Variants in CPSF1 observed in about 807,000 individuals in gnomAD.
CPSF1 encodes the protein cleavage and polyadenylation specificity factor subunit 1.
Under a neutral mutation model 175.8 loss-of-function variants are expected in CPSF1, and 106 were observed. The observed-to-expected ratio is 0.60, with a 90% confidence interval of 0.52 to 0.71. The LOEUF (loss-of-function observed/expected upper bound fraction) is 0.71. Among genes scored for constraint, CPSF1 ranks in the 30% least tolerant of loss-of-function variants. The pLI, the probability that CPSF1 is intolerant of heterozygous loss-of-function variation, is 0.00. For missense variants in CPSF1, 1,734 were observed against 2,022.9 expected, an observed-to-expected ratio of 0.86 and a Z score of 2.74; for synonymous variants, 1,024 against 858.3, an observed-to-expected ratio of 1.19 and a Z score of -3.37.
At chr8:144,398,706 T>G in intron 17 of CPSF1, 68 bp from the exon 18 acceptor site, 2 of 1,600,378 alleles carry the variant, frequency 1.2e-6, no homozygotes, top group Non-Finnish European at 1.7e-6. Context: ...AGGTGCGACC[T>G]GGGCACCCCC....
At chr8:144,402,764 TA>T (rs1373554586) in intron 2 of CPSF1, among the ~76,000 whole-genome samples, 7 of 148,494 alleles carry the variant, frequency 4.7e-5, no homozygotes, top group African/African-American at 1.2e-4. Context: ...ATGACACACT[TA>T]AAAAAAAAAC....
chr8:144,396,163 C>G lies in CPSF1; in HGVS notation c.2979+185G>C, dbSNP rs1820712771. On this transcript the variant is annotated intron_variant, in intron 26 of 37. Transcript: ENST00000616140. ...GCTGCAGCCCCAGCTCCCAACCACC[C>G]CTTTCCAGACCTTTGGAGCAACCAA... 5 of 653,090 alleles carry G rather than the reference C, an allele frequency of 7.7e-6. No homozygotes were observed. In the South Asian group the frequency reaches 1.0e-4, roughly 13 times the overall value. 40.5% of individuals were successfully genotyped at this position (653,090 alleles called of 1,614,324 possible).
In CPSF1 at chr8:144,394,526, C is replaced by T; in HGVS notation, c.3597G>A (p.Glu1199=). 6.2e-7 allele frequency: 1 copy of T among 1,609,842 alleles called. No individual in the cohort carries two copies. The highest frequency in any genetic ancestry group is 8.5e-7 in the Non-Finnish European group (1 of 1,178,742). Residue 1199 remains glutamate (E), a synonymous_variant, in exon 32 of 38, where the codon GAG becomes GAA. Coordinates refer to ENST00000616140, the MANE Select transcript of CPSF1 (RefSeq NM_013291.3). ...TGTCGATGAAGGCCATGCCCGTCAG[C>T]TCGCTGGCCCGCAGGCTCCACAGGA... ...KIFLWSLRAS[E]LTGMAFIDTQ... is the part of the protein sequence containing the mutation.
In CPSF1 at chr8:144,395,540, C is replaced by A; in HGVS notation, c.2991G>T (p.Arg997Ser). The A allele has an allele frequency of 6.7e-7, 1 of 1,501,432 alleles. No homozygotes were observed. The highest frequency in any genetic ancestry group is 9.0e-7 in the Non-Finnish European group (1 of 1,105,930). The allele number at this position is 1,501,432 out of a possible 1,614,324, so 93.0% of individuals were successfully genotyped here. A position where few individuals can be genotyped will look rare whatever the true frequency, so the allele number is the denominator to read the frequency against. ...FLYFNRQGEL[R>S]ISVLPAYLSY... is the part of the protein sequence containing the mutation. ...ACAGGTAGGCAGGCAGGACACTGATCCTCAGCTCGCCCTGGGGTGGGGGCA... is the reference window on the plus strand; with the variant it reads ...ACAGGTAGGCAGGCAGGACACTGATACTCAGCTCGCCCTGGGGTGGGGGCA... Residue 997 changes from arginine to serine, a missense_variant, in exon 27 of 38, where the codon AGG becomes AGT. This residue lies in a region of CPSF1 where 585 missense variants were observed against 584.7 expected (regional missense o/e 1.00). Transcript: ENST00000616140.
rs1554865661 is a variant in CPSF1, at chr8:144,399,666, C to T, written c.1164G>A (p.Leu388=). 6.2e-6 allele frequency: 10 copies of T among 1,610,422 alleles called. No homozygotes were observed. In the South Asian group the frequency reaches 9.9e-5, roughly 16 times the overall value. ...EPGYLFLGSR[L]GNSLLLKYTE... ...TGTACTTGAGGAGGAGGGAATTGCC[C>T]AGGCGAGAACCCAGGAACAGGTACC... Residue 388 remains leucine, a synonymous_variant, in exon 12 of 38, where the codon CTG becomes CTA. Coordinates refer to ENST00000616140, the MANE Select transcript of CPSF1 (RefSeq NM_013291.3). This position sits in a 1 kb window ranked among gnomAD's most constrained non-coding sequence, Gnocchi z 6.4.
In CPSF1 at chr8:144,398,091, T is replaced by C. The variant is rs1554864775; in HGVS notation, c.1936A>G (p.Ile646Val). 1 of 1,610,292 alleles carries C rather than the reference T, an allele frequency of 6.2e-7. No homozygotes were observed. The highest frequency in any genetic ancestry group is 2.2e-5 in the East Asian group (1 of 44,796). ...HFIPVDLGAP[I>V]VQCAVADPYV... ...GGGTCGGCCACGGCGCACTGCACGATGGGGGCGCCCAGGTCCACGGGGATG... is the reference window on the plus strand; with the variant it reads ...GGGTCGGCCACGGCGCACTGCACGACGGGGGCGCCCAGGTCCACGGGGATG... The change falls in exon 20 of 38, where the codon ATC (isoleucine) becomes GTC (valine). Residue 646 changes from isoleucine (I) to valine (V), a missense_variant. By Grantham distance (29) the Ile-to-Val change is conservative. Transcript: ENST00000616140.
intron 36 of CPSF1, 27 bp from the exon 37 acceptor site, chr8:144,393,617 G>A (rs782607212): frequency 5.5e-5 from 87 of 1,594,384 alleles, no homozygotes; most frequent in Non-Finnish European, 7.1e-5. Flanking sequence ...CAGGTGTCAG[G>A]GCAGGCTGGG....
chr8:144,407,840 C>T (rs1821576083), intron 2 of CPSF1, among the ~76,000 whole-genome samples: 1 of 152,114 alleles, frequency 6.6e-6, no homozygotes, highest in Non-Finnish European at 1.5e-5. Flanking sequence ...GCCAGTGCAC[C>T]CAGCCTGAGA....
chr8:144,395,376 C>T (rs1364685064), intron 27 of CPSF1, 21 bp from the exon 28 acceptor site: 47 of 1,612,826 alleles, frequency 2.9e-5, no homozygotes, highest in Non-Finnish European at 3.9e-5. Context: ...GTGAGGGTCA[C>T]ACACCAGTGG....
intron 9 of CPSF1, 27 bp downstream of exon 9, chr8:144,400,139 C>CCCCCCCCCCCCCCCCCCCCCCCCCA: frequency 8.2e-7 from 1 of 1,221,762 alleles, no homozygotes; most frequent in Non-Finnish European, 1.1e-6. Context: ...CCCCGGGCCC[C>CCCCCCCCCCCCCCCCCCCCCCCCCA]CCCCGCCCCA....
intron 2 of CPSF1, among the ~76,000 whole-genome samples, chr8:144,401,995 C>G (rs2116888183): frequency 6.6e-6 from 1 of 152,338 alleles, no homozygotes; most frequent in African/African-American, 2.4e-5. Flanking sequence ...ACCCCCAAAC[C>G]TGCCTGGTTG....
intron 2 of CPSF1, among the ~76,000 whole-genome samples, chr8:144,407,847 G>A (rs139276230): frequency 3.9e-5 from 6 of 152,296 alleles, no homozygotes; most frequent in Non-Finnish European, 8.8e-5. Flanking sequence ...CACCCAGCCT[G>A]AGATTCGGTT....
chr8:144,396,827 C>T lies in CPSF1; in HGVS notation c.2682+13G>A. On this transcript the variant is annotated intron_variant, in intron 24 of 37. Transcript: ENST00000616140. Reference sequence around the variant, plus strand: ...ACACCCACCCCACGCCCCAGCAGTCCAGCCACTGGCACCTTCTTAAAGCGG... The same window carrying T: ...ACACCCACCCCACGCCCCAGCAGTCTAGCCACTGGCACCTTCTTAAAGCGG... 6.2e-7 allele frequency: 1 copy of T among 1,613,876 alleles called. No individual in the cohort carries two copies. Among genetic ancestry groups the T allele is most frequent in the African/African-American group, 1.3e-5 (1 of 75,022 alleles).
At chr8:144,403,374 A>G (rs2116894664) in intron 2 of CPSF1, among the ~76,000 whole-genome samples, 10 of 152,058 alleles carry the variant, frequency 6.6e-5, no homozygotes, top group Admixed American at 1.3e-4. Context: ...GATTACAGGC[A>G]TGAGCCACCA....
At chr8:144,398,165 CCACCACCG>C in intron 19 of CPSF1, 33 bp from the exon 20 acceptor site, 2 of 1,064,698 alleles carry the variant, frequency 1.9e-6, no homozygotes, top group Non-Finnish European at 1.3e-6. Context: ...ATGCGCCTCC[CCACCACCG>C]TCCCCACCCA....
chr8:144,408,321 G>A (rs1821607414), intron 2 of CPSF1, among the ~76,000 whole-genome samples: 1 of 152,030 alleles, frequency 6.6e-6, no homozygotes, highest in Non-Finnish European at 1.5e-5. Context: ...ACCATCCCTG[G>A]GCCTGGGTAA....
rs1820622474 is a variant in CPSF1, at chr8:144,395,031, G to T, written c.3273-8C>A. 2 of 1,606,308 alleles carry T rather than the reference G, an allele frequency of 1.2e-6. No individual in the cohort carries two copies. The highest frequency in any genetic ancestry group is 1.7e-6 in the Non-Finnish European group (2 of 1,175,250). On this transcript the variant is annotated splice_polypyrimidine_tract_variant and splice_region_variant and intron_variant, in intron 29 of 37. Coordinates refer to ENST00000616140, the MANE Select transcript of CPSF1 (RefSeq NM_013291.3). ...CACTCCTGCAGCTCGATCCTGTGGG[G>T]GCCAGGGGCCTCAGGATGCTGCCTG...
chr8:144,393,366 C>T lies in CPSF1; in HGVS notation c.4285-1G>A, dbSNP rs111352918. ...CCGTCTCCAGCAAGTCGTCCAGGAT[C>T]TGCAGGGGATGGAAGGGTGGGTGGG... On this transcript the variant is annotated splice_acceptor_variant, in intron 37 of 37. Coordinates refer to ENST00000616140, the MANE Select transcript of CPSF1 (RefSeq NM_013291.3). LOFTEE classifies it high-confidence loss of function. 8.9e-7 allele frequency: 1 copy of T among 1,120,992 alleles called. No individual in the cohort carries two copies. Among genetic ancestry groups the T allele is most frequent in the African/African-American group, 2.6e-5 (1 of 38,084 alleles). 69.4% of individuals were successfully genotyped at this position (1,120,992 alleles called of 1,614,324 possible).
At position 144,400,177 on chromosome 8, in the gene CPSF1, G is replaced by A. The variant is rs1821104499; in HGVS notation, c.926C>T (p.Ala309Val). 2 of 1,303,750 alleles carry A rather than the reference G, an allele frequency of 1.5e-6. No individual in the cohort carries two copies. Among genetic ancestry groups the A allele is most frequent in the Non-Finnish European group, 2.0e-6 (2 of 977,166 alleles). The allele number at this position is 1,303,750 out of a possible 1,614,324, so 80.8% of individuals were successfully genotyped here. A position where few individuals can be genotyped will look rare whatever the true frequency, so the allele number is the denominator to read the frequency against. The change falls in exon 9 of 38, where the codon GCT (alanine) becomes GTT (valine). Residue 309 changes from alanine (A) to valine (V), a missense_variant. Physicochemically the swap from Ala to Val is moderately conservative, Grantham distance 64 (BLOSUM62 0). This residue lies in a region of CPSF1 where 61 missense variants were observed against 104.0 expected (regional missense o/e 0.59). Transcript: ENST00000616140. ...ALNSLTTGTT[A>V]FPLRTQEGVR... ...CACCCCACACTCACGAAGCGGGAAA[G>A]CCGTGGTTCCTGTGGTGAGGCTGTT...
Sources: allele counts gnomAD v4.1 joint callset (sites outside exome capture counted in the v4.1 genomes callset), GRCh38; gene constraint gnomAD v4.1.1; regional missense constraint gnomAD v4.1.1; non-coding constraint Gnocchi (gnomAD v3.1); transcripts MANE v1.5; gene names NCBI Gene and HGNC (gene_info 2026-07-23, HGNC 2026-07-21).